The following ATP5PB variants were observed in gnomAD, a reference collection of about 807,000 sequenced individuals.
ATP5PB encodes the protein ATP synthase peripheral stalk subunit b, mitochondrial.
A neutral mutation model predicts 34.5 loss-of-function variants in ATP5PB; 21 were observed. That is an observed-to-expected ratio of 0.61 (90% CI 0.43 to 0.88). The LOEUF (loss-of-function observed/expected upper bound fraction) is 0.88. ATP5PB is among the 40% of genes least tolerant of loss of function. The probability of loss-of-function intolerance (pLI) is 0.00; values close to 1 mark genes in which losing one functional copy is unlikely to be tolerated. For synonymous variants in ATP5PB, 108 were observed against 114.1 expected, an observed-to-expected ratio of 0.95 and a Z score of 0.34; for missense variants, 293 against 317.4, an observed-to-expected ratio of 0.92 and a Z score of 0.58.
chr1:111,460,441 T>G (rs1413046299), intron 6 of ATP5PB, among the ~76,000 whole-genome samples: 1 of 151,870 alleles, frequency 6.6e-6, no homozygotes, highest in Non-Finnish European at 1.5e-5. Context: ...TCAAAGTTTT[T>G]TTTTTTTTTT....
chr1:111,454,456 G>A lies in ATP5PB; in HGVS notation c.223+100G>A, dbSNP rs1000008481. On this transcript the variant is annotated intron_variant, in intron 3 of 6. Transcript: ENST00000369722. ...TTTGGTTTTTGTTGTTGTTGTTGTT[G>A]TTGTTGTTGTTGTTTTTTGAGACAG... 8.4e-6 allele frequency: 12 copies of A among 1,422,530 alleles called. No homozygotes were observed. The African/African-American group carries it at 1.7e-4, about 20-fold the overall frequency. 88.1% of individuals were successfully genotyped at this position (1,422,530 alleles called of 1,614,324 possible). A position where few individuals can be genotyped will look rare whatever the true frequency, so the allele number is the denominator to read the frequency against.
At position 111,449,824 on chromosome 1, in the gene ATP5PB, T is replaced by C; in HGVS notation, c.41-13T>C. 1 of 1,614,174 alleles carries C rather than the reference T, an allele frequency of 6.2e-7. No homozygotes were observed. The highest frequency in any genetic ancestry group is 8.5e-7 in the Non-Finnish European group (1 of 1,180,030). ...CATTTGACTTTGCTGACCTTCGCCT[T>C]GTCTATCTGCAGCCCCCTCTCTGAA... On this transcript the variant is annotated splice_polypyrimidine_tract_variant and intron_variant, in intron 1 of 6. Coordinates refer to ENST00000369722, the MANE Select transcript of ATP5PB (RefSeq NM_001688.5).
At chr1:111,458,816 C>G (rs1653538720) in intron 5 of ATP5PB, among the ~76,000 whole-genome samples, 1 of 152,148 alleles carries the variant, frequency 6.6e-6, no homozygotes, top group Admixed American at 6.5e-5. Flanking sequence ...CTTGGCTTCA[C>G]AGTTTATTAG....
At chr1:111,449,686 C>A in intron 1 of ATP5PB, 105 bp downstream of exon 1, 1 of 1,542,116 alleles carries the variant, frequency 6.5e-7, no homozygotes, top group South Asian at 1.2e-5. Flanking sequence ...GCCTGAGAGG[C>A]GAGTGGTCAG....
rs1484725373 is a variant in ATP5PB at position 111,461,130 on chromosome 1, A to G, written c.*136A>G. The G allele has an allele frequency of 6.7e-6, 5 of 748,206 alleles. No individual in the cohort carries two copies. The Admixed American group carries it at 1.1e-4, about 16-fold the overall frequency. 46.3% of individuals were successfully genotyped at this position (748,206 alleles called of 1,614,324 possible). A position where few individuals can be genotyped will look rare whatever the true frequency, so the allele number is the denominator to read the frequency against. On this transcript the variant is annotated 3_prime_UTR_variant, in exon 7 of 7. Transcript: ENST00000369722. ...TTCCTAAAAATGAAAAGTTTGTTTCATATAGTGAGAGAACGAAATCTCTAT... is the reference window on the plus strand; with the variant it reads ...TTCCTAAAAATGAAAAGTTTGTTTCGTATAGTGAGAGAACGAAATCTCTAT...
intron 5 of ATP5PB, among the ~76,000 whole-genome samples, chr1:111,457,404 AT>A (rs1653507727): frequency 6.6e-6 from 1 of 152,184 alleles, no homozygotes; most frequent in African/African-American, 2.4e-5. Flanking sequence ...AGATTCTAAA[AT>A]ATGCAGCTTC....
Position 111,461,167 on chromosome 1 carries a change from A to T in ATP5PB, c.*173A>T. On this transcript the variant is annotated 3_prime_UTR_variant, in exon 7 of 7. Coordinates refer to ENST00000369722, the MANE Select transcript of ATP5PB (RefSeq NM_001688.5). ...AACGAAATCTCTATCGGCCAGTCAGATGTTTCTCATCCTTCTTGCTCTGCC... is the reference window on the plus strand; with the variant it reads ...AACGAAATCTCTATCGGCCAGTCAGTTGTTTCTCATCCTTCTTGCTCTGCC... 1.8e-6 allele frequency: 1 copy of T among 563,356 alleles called. No individual in the cohort carries two copies. Among genetic ancestry groups the T allele is most frequent in the East Asian group, 3.2e-5 (1 of 31,598 alleles). The allele number at this position is 563,356 out of a possible 1,614,324, so 34.9% of individuals were successfully genotyped here.
At chr1:111,455,527 A>C (rs972642099) in intron 3 of ATP5PB, among the ~76,000 whole-genome samples, 5 of 152,206 alleles carry the variant, frequency 3.3e-5, no homozygotes, top group Non-Finnish European at 7.3e-5. Flanking sequence ...TTCAGAACAC[A>C]TGGCCTGGTT....
rs370625458 is a variant in ATP5PB at position 111,456,611 on chromosome 1, G to A, written c.388-19G>A. 249 of 1,607,230 alleles carry A rather than the reference G, an allele frequency of 1.5e-4. 1 individual carries two copies. Among genetic ancestry groups the A allele is most frequent in the Non-Finnish European group, 2.1e-4 (242 of 1,178,082 alleles). On this transcript the variant is annotated intron_variant, in intron 4 of 6. Transcript: ENST00000369722. ...CTTTGTGCTTTCACTGATCTTTGTTGTTGCTATCACAATTGTAGCAAAAAC... is the reference window on the plus strand; with the variant it reads ...CTTTGTGCTTTCACTGATCTTTGTTATTGCTATCACAATTGTAGCAAAAAC...
rs934283041 is a variant in ATP5PB at position 111,461,141 on chromosome 1, G to A, written c.*147G>A. The A allele has an allele frequency of 1.5e-6, 1 of 661,140 alleles. No homozygotes were observed. Among genetic ancestry groups the A allele is most frequent in the African/African-American group, 1.8e-5 (1 of 54,422 alleles). 41.0% of individuals were successfully genotyped at this position (661,140 alleles called of 1,614,324 possible). The stretch of plus-strand genomic sequence containing the variant: ...GAAAAGTTTGTTTCATATAGTGAGA[G>A]AACGAAATCTCTATCGGCCAGTCAG... On this transcript the variant is annotated 3_prime_UTR_variant, in exon 7 of 7. Coordinates refer to ENST00000369722, the MANE Select transcript of ATP5PB (RefSeq NM_001688.5).
At position 111,456,234 on chromosome 1, in the gene ATP5PB, T is replaced by A. The variant is rs1653469702; in HGVS notation, c.372T>A (p.Ala124=). 6.2e-7 allele frequency: 1 copy of A among 1,603,406 alleles called. No homozygotes were observed. The highest frequency in any genetic ancestry group is 8.5e-7 in the Non-Finnish European group (1 of 1,176,158). ...ATGGTCCCTTTGTTGCAGACTTTGC[T>A]GATAAACTCAATGAGGTAAGAACCA... ...KKYGPFVADF[A]DKLNEQKLAQ... Residue 124 remains alanine (A), a synonymous_variant, in exon 4 of 7, where the codon GCT becomes GCA. Transcript: ENST00000369722.
intron 2 of ATP5PB, among the ~76,000 whole-genome samples, chr1:111,450,415 G>A (rs1383300611): frequency 6.6e-6 from 1 of 152,160 alleles, no homozygotes; most frequent in Non-Finnish European, 1.5e-5. Flanking sequence ...TCTAGGAATG[G>A]GAGGCACCTT....
rs959664025 is a variant in ATP5PB, at chr1:111,459,592, A to T, written c.649A>T (p.Asn217Tyr). Residue 217 changes from asparagine to tyrosine, a missense_variant, in exon 6 of 7, where the codon AAT (asparagine) becomes TAT (tyrosine). Asn to Tyr is a moderately radical substitution (Grantham distance 143). Coordinates refer to ENST00000369722, the MANE Select transcript of ATP5PB (RefSeq NM_001688.5). ...MRRKEQEHMI[N>Y]WVEKHVVQSI... is the part of the protein sequence containing the mutation. The stretch of plus-strand genomic sequence containing the variant: ...TCGAAAGGAACAAGAACACATGATA[A>T]ATTGGGTGGAGAAGCACGTGGTGCA... 1.9e-6 allele frequency: 3 copies of T among 1,613,956 alleles called. No homozygotes were observed. The highest frequency in any genetic ancestry group is 1.7e-6 in the Non-Finnish European group (2 of 1,179,858).
intron 6 of ATP5PB, 144 bp from the exon 7 acceptor site, chr1:111,460,773 G>A: frequency 1.7e-6 from 1 of 577,088 alleles, no homozygotes; most frequent in Non-Finnish European, 3.1e-6. Context: ...TTCTAAACCT[G>A]TCTAGTAGCT....
chr1:111,453,396 A>G, intron 2 of ATP5PB, among the ~76,000 whole-genome samples: 1 of 150,622 alleles, frequency 6.6e-6, no homozygotes, highest in East Asian at 1.9e-4. Flanking sequence ...AGTTCTGTAT[A>G]CCTCATTAAA....
intron 5 of ATP5PB, among the ~76,000 whole-genome samples, chr1:111,457,846 G>C (rs1389941511): frequency 6.6e-6 from 1 of 152,128 alleles, no homozygotes; most frequent in Non-Finnish European, 1.5e-5. Context: ...TGTATATTTA[G>C]GTTACAAAGG....
At position 111,455,137 on chromosome 1, in the gene ATP5PB, A is replaced by G. The variant is rs76293811; in HGVS notation, c.223+781A>G. On this transcript the variant is annotated intron_variant, in intron 3 of 6. Coordinates refer to ENST00000369722, the MANE Select transcript of ATP5PB (RefSeq NM_001688.5). ...ACCCAAGTATTGCTATGACTGGAAC[A>G]TTGGAAACCGAAGATTGTTTTTTTT... 3.0e-3 allele frequency among the ~76,000 whole-genome samples: 449 copies of G among 152,070 alleles called. 12 individuals carry two copies. The East Asian group carries it at 0.062, about 21-fold the overall frequency.
At chr1:111,460,377 G>A (rs1156651256) in intron 6 of ATP5PB, among the ~76,000 whole-genome samples, 3 of 144,046 alleles carry the variant, frequency 2.1e-5, no homozygotes, top group African/African-American at 5.1e-5. Flanking sequence ...TAACATTTAA[G>A]TATTTCTGGT....
intron 3 of ATP5PB, 145 bp downstream of exon 3, chr1:111,454,501 G>A (rs1029625236): frequency 9.5e-7 from 1 of 1,050,506 alleles, no homozygotes; most frequent in Admixed American, 2.8e-5. Flanking sequence ...CTATCACCCA[G>A]GATGGAGTGA....
Sources: gnomAD v4.1 joint callset for allele counts (sites outside exome capture counted in the v4.1 genomes callset) on GRCh38, gnomAD v4.1.1 for gene constraint, MANE v1.5 for transcripts, NCBI Gene and HGNC (gene_info 2026-07-23, HGNC 2026-07-21) for gene names.